Variants in CNOT6 observed in about 807,000 individuals in gnomAD.
CNOT6 encodes carbon catabolite repression 4 protein.
A neutral mutation model predicts 61.2 loss-of-function variants in CNOT6; 12 were observed. The ratio of observed to expected loss-of-function variants is 0.20; its 90% CI spans 0.13 to 0.32. The LOEUF (loss-of-function observed/expected upper bound fraction) is 0.32, where lower values mean the gene tolerates loss of function less well. Ranked by LOEUF, CNOT6 falls within the 10% of genes least tolerant of loss-of-function variation. The probability of loss-of-function intolerance (pLI) is 1.00; values close to 1 mark genes in which losing one functional copy is unlikely to be tolerated. For missense variants in CNOT6, 405 were observed against 663.9 expected (o/e 0.61, Z 4.28); for synonymous variants, 225 against 240.6 (o/e 0.94, Z 0.60).
intron 2 of CNOT6, among the ~76,000 whole-genome samples, chr5:180,533,330 A>C (rs1351167033): frequency 1.0e-5 from 1 of 98,856 alleles, no homozygotes; most frequent in Non-Finnish European, 2.5e-5. Context: ...ATATATATAT[A>C]TATATATATA....
At chr5:180,500,810 C>T (rs753561076) in intron 1 of CNOT6, among the ~76,000 whole-genome samples, 13 of 151,986 alleles carry the variant, frequency 8.6e-5, no homozygotes, top group Admixed American at 1.3e-4. Flanking sequence ...GAGTACTCAT[C>T]GGGTTATACA....
At chr5:180,567,510 T>G (rs891576837) in intron 8 of CNOT6, among the ~76,000 whole-genome samples, 2 of 152,206 alleles carry the variant, frequency 1.3e-5, no homozygotes, top group Admixed American at 1.3e-4. Context: ...TAGTTAAAAT[T>G]CCCTCTATGA....
intron 1 of CNOT6, among the ~76,000 whole-genome samples, chr5:180,496,393 C>T (rs990279569): frequency 2.6e-5 from 4 of 152,010 alleles, no homozygotes; most frequent in African/African-American, 7.3e-5. Flanking sequence ...GGGAAAGGAC[C>T]GGGTTTGTGT....
intron 4 of CNOT6, among the ~76,000 whole-genome samples, chr5:180,557,866 C>T (rs774857549): frequency 1.3e-5 from 2 of 152,068 alleles, no homozygotes; most frequent in Admixed American, 6.6e-5. Context: ...TTTTGACTTA[C>T]GATTGAGTTA....
chr5:180,541,057 G>T (rs917155516), intron 2 of CNOT6, among the ~76,000 whole-genome samples: 1 of 151,704 alleles, frequency 6.6e-6, no homozygotes, highest in African/African-American at 2.4e-5. Context: ...TTTGAAAGAG[G>T]TTTTTGCTGA....
At chr5:180,558,059 A>T (rs1166473808) in intron 4 of CNOT6, among the ~76,000 whole-genome samples, 1 of 152,132 alleles carries the variant, frequency 6.6e-6, no homozygotes, top group African/African-American at 2.4e-5. Flanking sequence ...TGTTTCATTG[A>T]TCTATGTGTC....
In CNOT6 at chr5:180,531,429, C is replaced by T. The variant is rs56924524; in HGVS notation, c.112+2041C>T. 1.0e-3 allele frequency among the ~76,000 whole-genome samples: 159 copies of T among 151,776 alleles called. No homozygotes were observed. The East Asian group carries it at 0.023, about 22-fold the overall frequency. ...CGCTCCCCGCATCTCAGACGATGGG[C>T]GGCCGGGCAGAGACGCTCCTCATTT... On this transcript the variant is annotated intron_variant, in intron 2 of 11. Coordinates refer to ENST00000261951, the MANE Select transcript of CNOT6 (RefSeq NM_001370472.1).
At chr5:180,523,286 T>G (rs751309228) in intron 1 of CNOT6, among the ~76,000 whole-genome samples, 3 of 152,314 alleles carry the variant, frequency 2.0e-5, no homozygotes, top group Non-Finnish European at 4.4e-5. Context: ...ATTTTGAAGG[T>G]TAAGTAGAGA....
At chr5:180,506,500 T>C (rs1561631566) in intron 1 of CNOT6, among the ~76,000 whole-genome samples, 2 of 152,232 alleles carry the variant, frequency 1.3e-5, no homozygotes, top group South Asian at 2.1e-4. Flanking sequence ...GCTCACAGAA[T>C]AGTTGGCTAC....
At chr5:180,559,252 A>G (rs1392228335) in intron 4 of CNOT6, among the ~76,000 whole-genome samples, 1 of 152,100 alleles carries the variant, frequency 6.6e-6, no homozygotes, top group Non-Finnish European at 1.5e-5. Flanking sequence ...TTTTCCTTTT[A>G]GTTCTCTCAG....
intron 1 of CNOT6, among the ~76,000 whole-genome samples, chr5:180,503,241 C>T (rs1756960390): frequency 6.6e-6 from 1 of 150,650 alleles, no homozygotes; most frequent in Admixed American, 6.7e-5. Flanking sequence ...TGATGCAGGT[C>T]TGACTCTAGT....
rs986744675 is a variant in CNOT6 at position 180,521,515 on chromosome 5, C to G, written c.-2-7760C>G. ...TTTTCATTTCTTTTGGGTAAATACT[C>G]AAAGGTATATGCGCTGACTTACAGA... On this transcript the variant is annotated intron_variant, in intron 1 of 11. Transcript: ENST00000261951. Among the ~76,000 whole-genome samples the G allele has an allele frequency of 2.6e-4, 39 of 152,284 alleles. 1 individual carries two copies. In the South Asian group the frequency reaches 7.9e-3, roughly 31 times the overall value.
intron 10 of CNOT6, 93 bp downstream of exon 10, chr5:180,569,433 TAA>T (rs1760634527): frequency 1.9e-6 from 2 of 1,080,870 alleles, no homozygotes; most frequent in Non-Finnish European, 2.7e-6. Context: ...TAAGTCCAAA[TAA>T]AAATTCAGTT....
chr5:180,498,467 C>A (rs1005472812), intron 1 of CNOT6, among the ~76,000 whole-genome samples: 1 of 152,034 alleles, frequency 6.6e-6, no homozygotes, highest in Non-Finnish European at 1.5e-5. Flanking sequence ...AGGAATTTGC[C>A]AAACTGGGGA....
At chr5:180,497,958 G>C (rs777702184) in intron 1 of CNOT6, among the ~76,000 whole-genome samples, 1 of 151,460 alleles carries the variant, frequency 6.6e-6, no homozygotes, top group Admixed American at 6.6e-5. Context: ...CAGGAGAATC[G>C]CTTGAACCTG....
Position 180,577,277 on chromosome 5 carries a change from T to C in CNOT6, c.*3077T>C, listed in dbSNP as rs1487641029. ...AACTTAGGGACATTATTAAATTGGA[T>C]GGAATGCACTTCTAAATGTTTAAAT... On this transcript the variant is annotated 3_prime_UTR_variant, in exon 12 of 12. Transcript: ENST00000261951. The C allele has an allele frequency of 6.6e-6, 1 of 152,466 alleles. No homozygotes were observed. Among genetic ancestry groups the C allele is most frequent in the African/African-American group, 2.4e-5 (1 of 41,388 alleles). 9.4% of individuals were successfully genotyped at this position (152,466 alleles called of 1,614,324 possible). A position where few individuals can be genotyped will look rare whatever the true frequency, so the allele number is the denominator to read the frequency against.
chr5:180,541,440 A>AT (rs1176286473), intron 2 of CNOT6, among the ~76,000 whole-genome samples: 11 of 102,928 alleles, frequency 1.1e-4, no homozygotes, highest in South Asian at 3.2e-4. Context: ...CTGGCCAAGA[A>AT]ATTTTTTTTT....
rs143854101 is a variant in CNOT6, at chr5:180,552,067, C to T, written c.300-1319C>T. 6.8e-3 allele frequency among the ~76,000 whole-genome samples: 1,037 copies of T among 151,786 alleles called. 11 individuals are homozygous for T. The highest frequency in any genetic ancestry group is 0.024 in the African/African-American group (992 of 41,400). On this transcript the variant is annotated intron_variant, in intron 3 of 11. Coordinates refer to ENST00000261951, the MANE Select transcript of CNOT6 (RefSeq NM_001370472.1). ...TATTTGTAGTAGAGACAGGGTTTCA[C>T]CATGTTGGCCAGGCTAGTCTCAAAC...
chr5:180,504,169 A>G (rs1757022235), intron 1 of CNOT6, among the ~76,000 whole-genome samples: 1 of 152,200 alleles, frequency 6.6e-6, no homozygotes, highest in Admixed American at 6.5e-5. Flanking sequence ...AAAGCATTTC[A>G]TTATTTTGGA....
Sources: gnomAD v4.1 joint callset for allele counts (sites outside exome capture counted in the v4.1 genomes callset) on GRCh38, gnomAD v4.1.1 for gene constraint, MANE v1.5 for transcripts, NCBI Gene and HGNC (gene_info 2026-07-23, HGNC 2026-07-21) for gene names.